The following THADA variants were observed in gnomAD, a reference collection of about 807,000 sequenced individuals.
The protein encoded by THADA is tRNA (32-2'-O)-methyltransferase regulator THADA.
In THADA, 213 loss-of-function variants were observed where a neutral mutation model predicts 219.8. The ratio of observed to expected loss-of-function variants is 0.97; its 90% CI spans 0.87 to 1.09. The LOEUF is 1.09. THADA is among the 50% of genes least tolerant of loss of function. THADA has a pLI of 0.00. For missense variants in THADA, 2,956 were observed against 2,311.3 expected, an observed-to-expected ratio of 1.28 and a Z score of -5.72; for synonymous variants, 1,018 against 828.9, an observed-to-expected ratio of 1.23 and a Z score of -3.92.
chr2:43,273,270 C>CA (rs978782406), intron 36 of THADA, among the ~76,000 whole-genome samples: 4,705 of 115,864 alleles, frequency 0.041, 196 homozygotes, highest in African/African-American at 0.14. Context: ...ACAACAACAA[C>CA]AAAAAAAAAA....
rs1468958557 is a variant in THADA, at chr2:43,387,530, A to G, written c.4227+10441T>C. Among the ~76,000 whole-genome samples the G allele has an allele frequency of 2.0e-5, 3 of 152,252 alleles. No homozygotes were observed. The East Asian group carries it at 5.8e-4, about 29-fold the overall frequency. On this transcript the variant is annotated intron_variant, in intron 29 of 37. Transcript: ENST00000405975. ...CTGAGCCACAACTTCTGCCCGGGTC[A>G]GGAATGGTTTCTTTGGTGGTTGCTG...
At chr2:43,567,583 C>T (rs1194284917) in intron 14 of THADA, among the ~76,000 whole-genome samples, 3 of 152,104 alleles carry the variant, frequency 2.0e-5, no homozygotes, top group Non-Finnish European at 2.9e-5. Flanking sequence ...GCCAAGATCA[C>T]GCCACTGCAG....
chr2:43,494,466 T>C (rs756114132), intron 25 of THADA, among the ~76,000 whole-genome samples: 5 of 152,212 alleles, frequency 3.3e-5, no homozygotes, highest in African/African-American at 4.8e-5. Flanking sequence ...ACCTTCTTTG[T>C]ATTCTTAAAA....
At chr2:43,412,760 G>T (rs1406322103) in intron 28 of THADA, among the ~76,000 whole-genome samples, 2 of 152,264 alleles carry the variant, frequency 1.3e-5, no homozygotes, top group East Asian at 1.9e-4. Context: ...ATTTCCTAAA[G>T]AATACATTTA....
chr2:43,357,788 T>C (rs1467065998), intron 29 of THADA, among the ~76,000 whole-genome samples: 2 of 152,232 alleles, frequency 1.3e-5, no homozygotes, highest in Non-Finnish European at 1.5e-5. Flanking sequence ...AAAAATATTA[T>C]GATCCCATTT....
intron 36 of THADA, among the ~76,000 whole-genome samples, chr2:43,279,230 C>A (rs370434153): frequency 2.0e-5 from 3 of 152,302 alleles, no homozygotes; most frequent in African/African-American, 7.2e-5. Context: ...CTAGGGTGCT[C>A]TTCTTTCCAC....
chr2:43,287,953 T>C (rs773891257), intron 34 of THADA, among the ~76,000 whole-genome samples: 6 of 152,154 alleles, frequency 3.9e-5, no homozygotes, highest in South Asian at 2.1e-4. Flanking sequence ...AAGGACAAGA[T>C]GGTGGAAGCT....
At chr2:43,520,088 C>T (rs1457144449) in intron 22 of THADA, among the ~76,000 whole-genome samples, 2 of 152,142 alleles carry the variant, frequency 1.3e-5, no homozygotes, top group African/African-American at 4.8e-5. Context: ...CAATCCAGGG[C>T]CTAGCAAGGA....
At chr2:43,240,089 CAGAA>C (rs1372909614) in intron 36 of THADA, among the ~76,000 whole-genome samples, 55 of 152,176 alleles carry the variant, frequency 3.6e-4, no homozygotes, top group Non-Finnish European at 2.9e-4. Flanking sequence ...AATCAAAAGA[CAGAA>C]AGGAAAAACA....
intron 28 of THADA, among the ~76,000 whole-genome samples, chr2:43,417,042 T>TC (rs967085213): frequency 2.0e-5 from 3 of 148,340 alleles, no homozygotes; most frequent in African/African-American, 7.5e-5. Flanking sequence ...GTTTTCTTTT[T>TC]TTTTTTTTTT....
intron 23 of THADA, among the ~76,000 whole-genome samples, chr2:43,506,697 C>T (rs1689714426): frequency 6.6e-6 from 1 of 152,148 alleles, no homozygotes; most frequent in South Asian, 2.1e-4. Flanking sequence ...GAATTGTACA[C>T]TTTAAAAGGG....
intron 35 of THADA, among the ~76,000 whole-genome samples, chr2:43,281,602 C>T (rs1305189362): frequency 4.0e-5 from 6 of 151,122 alleles, no homozygotes; most frequent in Non-Finnish European, 8.9e-5. Context: ...CCACCACACC[C>T]GGCTAATTTT....
intron 30 of THADA, among the ~76,000 whole-genome samples, chr2:43,325,791 A>G (rs190757585): frequency 1.2e-4 from 19 of 152,330 alleles, no homozygotes; most frequent in African/African-American, 4.1e-4. Context: ...GCTAAGAATA[A>G]TTTTTAATAA....
intron 26 of THADA, among the ~76,000 whole-genome samples, chr2:43,434,761 G>T (rs548140273): frequency 2.0e-5 from 3 of 152,162 alleles, no homozygotes; most frequent in Non-Finnish European, 4.4e-5. Context: ...CCAAGCCTAC[G>T]TGTGATCAAA....
rs138580955 is a variant in THADA at position 43,280,022 on chromosome 2, G to C, written c.5165-126C>G. 4.7e-5 allele frequency: 45 copies of C among 961,904 alleles called. 2 individuals carry two copies. In the South Asian group the frequency reaches 1.0e-3, roughly 22 times the overall value. 59.6% of individuals were successfully genotyped at this position (961,904 alleles called of 1,614,324 possible). A position where few individuals can be genotyped will look rare whatever the true frequency, so the allele number is the denominator to read the frequency against. ...GTTACAGCTATCTCTTTTTTTCTGG[G>C]TATTGTTAAGATAGAAAGAGTGTTA... On this transcript the variant is annotated intron_variant, in intron 35 of 37. Coordinates refer to ENST00000405975, the MANE Select transcript of THADA (RefSeq NM_022065.5).
At chr2:43,515,165 AATATATT>A (rs1691364253) in intron 22 of THADA, among the ~76,000 whole-genome samples, 7 of 2,498 alleles carry the variant, frequency 2.8e-3, no homozygotes, top group South Asian at 0.019. Flanking sequence ...TATTATATAT[AATATATT>A]ATATATTATA....
At chr2:43,337,241 C>T (rs866587823) in intron 30 of THADA, among the ~76,000 whole-genome samples, 14 of 152,156 alleles carry the variant, frequency 9.2e-5, no homozygotes, top group Non-Finnish European at 2.9e-5. Context: ...AAAATGCTAA[C>T]GCAGGGCCAT....
At chr2:43,310,726 T>C (rs1043029747) in intron 31 of THADA, among the ~76,000 whole-genome samples, 1 of 152,162 alleles carries the variant, frequency 6.6e-6, no homozygotes, top group Non-Finnish European at 1.5e-5. Flanking sequence ...AAAAAACAGA[T>C]ACAATGGACT....
rs374836554 is a variant in THADA at position 43,549,209 on chromosome 2, C to T, written c.3106+1G>A. The T allele has an allele frequency of 1.3e-6, 2 of 1,562,142 alleles. No individual in the cohort carries two copies. The highest frequency in any genetic ancestry group is 2.1e-5 in the Admixed American group (1 of 48,598). On this transcript the variant is annotated splice_donor_variant, in intron 20 of 37. Coordinates refer to ENST00000405975, the MANE Select transcript of THADA (RefSeq NM_022065.5). LOFTEE classifies it high-confidence loss of function. ...TACAGTATCCATTTTATACAAGTTA[C>T]CTTTGATTTCTGTAGAAGTATCAAT... is the stretch of plus-strand genomic sequence containing the variant.
Sources: allele counts gnomAD v4.1 joint callset (sites outside exome capture counted in the v4.1 genomes callset), GRCh38; gene constraint gnomAD v4.1.1; transcripts MANE v1.5; gene names NCBI Gene and HGNC (gene_info 2026-07-23, HGNC 2026-07-21).